The following MARCHF7 variants were observed in gnomAD, a reference collection of about 807,000 sequenced individuals.
MARCHF7 encodes the protein membrane associated ring-CH-type finger 7, also known as E3 ubiquitin-protein ligase MARCHF7.
A neutral mutation model predicts 76.5 loss-of-function variants in MARCHF7; 20 were observed. The ratio of observed to expected loss-of-function variants is 0.26; its 90% CI spans 0.18 to 0.38. MARCHF7 has a LOEUF of 0.38. Ranked by LOEUF, MARCHF7 falls within the 10% of genes least tolerant of loss-of-function variation. The pLI is 1.00. For missense variants in MARCHF7, 797 were observed against 812.9 expected, an observed-to-expected ratio of 0.98 and a Z score of 0.24; for synonymous variants, 295 against 293.0, an observed-to-expected ratio of 1.01 and a Z score of -0.07.
intron 4 of MARCHF7, among the ~76,000 whole-genome samples, chr2:159,739,592 A>G (rs148338242): frequency 1.4e-4 from 22 of 152,344 alleles, no homozygotes; most frequent in African/African-American, 5.3e-4. Flanking sequence ...AGTTCTGGAC[A>G]GCAGAAGAGA....
Position 159,769,043 on chromosome 2 carries a change from GATTATCATGTAAAT to G in MARCHF7, c.*1702_*1715del, listed in dbSNP as rs1364747025. The G allele has an allele frequency of 6.6e-6, 1 of 152,104 alleles. No individual in the cohort carries two copies. The highest frequency in any genetic ancestry group is 1.5e-5 in the Non-Finnish European group (1 of 68,000). 9.4% of individuals were successfully genotyped at this position (152,104 alleles called of 1,614,324 possible). A position where few individuals can be genotyped will look rare whatever the true frequency, so the allele number is the denominator to read the frequency against. On this transcript the variant is annotated 3_prime_UTR_variant, in exon 12 of 12. Transcript: ENST00000409175. ...TTTAAATATTGTCATATTAGCTTCA[GATTATCATGTAAAT>G]GACGGTAGAGGAATAAGAGAAAAGG...
intron 8 of MARCHF7, 39 bp from the exon 9 acceptor site, chr2:159,759,187 T>C (rs760206344): frequency 8.7e-7 from 1 of 1,144,240 alleles, no homozygotes; most frequent in Admixed American, 2.0e-5. Context: ...ATGAAGACAT[T>C]ATAAAACTAA....
intron 8 of MARCHF7, among the ~76,000 whole-genome samples, chr2:159,753,455 C>T (rs1411309910): frequency 2.0e-5 from 3 of 151,722 alleles, no homozygotes; most frequent in Non-Finnish European, 1.5e-5. Flanking sequence ...CCTGTAGTCC[C>T]AGCTAGAATG....
intron 3 of MARCHF7, among the ~76,000 whole-genome samples, chr2:159,716,643 CA>C (rs11367285): frequency 0.36 from 52,735 of 147,544 alleles, 9,360 homozygotes; most frequent in South Asian, 0.44. Context: ...ACCCTGTCTC[CA>C]AAAAAAAAAA....
At chr2:159,718,098 T>C (rs1701242209) in intron 3 of MARCHF7, among the ~76,000 whole-genome samples, 1 of 152,224 alleles carries the variant, frequency 6.6e-6, no homozygotes, top group Non-Finnish European at 1.5e-5. Context: ...CCTCACAATA[T>C]ACCTGTGAAG....
chr2:159,754,810 T>G (rs1042358884), intron 8 of MARCHF7, among the ~76,000 whole-genome samples: 1 of 152,266 alleles, frequency 6.6e-6, no homozygotes, highest in South Asian at 2.1e-4. Context: ...CCTGTGTTAA[T>G]TGCATCTGTT....
At chr2:159,721,815 A>G (rs938551347) in intron 3 of MARCHF7, among the ~76,000 whole-genome samples, 1 of 152,194 alleles carries the variant, frequency 6.6e-6, no homozygotes, top group Non-Finnish European at 1.5e-5. Flanking sequence ...CTCCACTTAT[A>G]AAACACAAAT....
At chr2:159,742,260 G>A (rs201505668) in intron 4 of MARCHF7, among the ~76,000 whole-genome samples, 2 of 147,336 alleles carry the variant, frequency 1.4e-5, no homozygotes, top group Admixed American at 1.3e-4. Flanking sequence ...TTTTTTTTTT[G>A]TTTTTTAGCA....
At chr2:159,721,290 A>G (rs1701613657) in intron 3 of MARCHF7, among the ~76,000 whole-genome samples, 2 of 152,182 alleles carry the variant, frequency 1.3e-5, no homozygotes, top group Non-Finnish European at 2.9e-5. Context: ...TAGGATGCCC[A>G]GAGGAATGGA....
At chr2:159,732,981 C>A (rs13022404) in intron 4 of MARCHF7, 316,379 of 949,356 alleles carry the variant, frequency 0.33, 54,612 homozygotes, top group South Asian at 0.45. Context: ...ACATGTGAAG[C>A]ACTTGGAACA....
chr2:159,724,787 C>G (rs1052883971), intron 3 of MARCHF7, among the ~76,000 whole-genome samples: 8 of 152,136 alleles, frequency 5.3e-5, no homozygotes, highest in Non-Finnish European at 1.0e-4. Context: ...CACCCATTAA[C>G]TCGTCATTTG....
At chr2:159,719,981 C>G (rs1389168247) in intron 3 of MARCHF7, among the ~76,000 whole-genome samples, 1 of 152,100 alleles carries the variant, frequency 6.6e-6, no homozygotes, top group Non-Finnish European at 1.5e-5. Flanking sequence ...ACTGCCGCTG[C>G]CTAGTGCTTA....
Position 159,748,434 on chromosome 2 carries a change from A to G in MARCHF7, c.1144A>G (p.Thr382Ala), listed in dbSNP as rs977815596. Residue 382 changes from threonine to alanine, a missense_variant, in exon 7 of 12, where the codon ACA (threonine) becomes GCA (alanine). Physicochemically the swap from Thr to Ala is moderately conservative, Grantham distance 58. Transcript: ENST00000409175. ...TAACCAAGAATCTGAAGGTAGAAAT[A>G]CAGGACCATGGTTATCTTCCTCACT... is the stretch of plus-strand genomic sequence containing the variant. The part of the protein sequence containing the change: ...NFNQESEGRN[T>A]GPWLSSSLRN... The G allele has an allele frequency of 1.9e-6, 3 of 1,614,196 alleles. No individual in the cohort carries two copies. Among genetic ancestry groups the G allele is most frequent in the Admixed American group, 3.3e-5 (2 of 60,026 alleles).
intron 1 of MARCHF7, 54 bp downstream of exon 1, chr2:159,712,660 G>A (rs374530865): frequency 6.6e-6 from 1 of 152,512 alleles, no homozygotes; most frequent in South Asian, 2.1e-4. Context: ...TCAGGAGCCG[G>A]GGTAATGAGC....
intron 11 of MARCHF7, 78 bp from the exon 12 acceptor site, chr2:159,767,206 T>C: frequency 1.0e-6 from 1 of 988,356 alleles, no homozygotes; most frequent in Non-Finnish European, 1.6e-6. Flanking sequence ...AAGTCATTGC[T>C]GTTCTGGCTT....
At position 159,741,798 on chromosome 2, in the gene MARCHF7, T is replaced by G. The variant is rs539493990; in HGVS notation, c.154-1263T>G. ...ACTCATGGTAACATGCTTTAAAAAA[T>G]TATTTTTCTTTTATATCCTGAAAAA... is the stretch of plus-strand genomic sequence containing the variant. On this transcript the variant is annotated intron_variant, in intron 4 of 11. Coordinates refer to ENST00000409175, the MANE Select transcript of MARCHF7 (RefSeq NM_001282805.2). Among the ~76,000 whole-genome samples, 3 of 152,368 alleles carry G rather than the reference T, an allele frequency of 2.0e-5. No individual in the cohort carries two copies. The East Asian group carries it at 5.8e-4, about 29-fold the overall frequency.
At chr2:159,714,873 A>G (rs1022758006) in intron 2 of MARCHF7, among the ~76,000 whole-genome samples, 2 of 152,196 alleles carry the variant, frequency 1.3e-5, no homozygotes, top group African/African-American at 2.4e-5. Context: ...GAGGTATGAT[A>G]GAGCTCCACT....
intron 3 of MARCHF7, among the ~76,000 whole-genome samples, chr2:159,721,676 A>G (rs1157104543): frequency 6.6e-6 from 1 of 152,206 alleles, no homozygotes; most frequent in African/African-American, 2.4e-5. Context: ...GAGAATAGAA[A>G]GTGTAGCCTC....
At chr2:159,743,974 CTTTTTTTTTTT>C (rs1170864400) in intron 5 of MARCHF7, among the ~76,000 whole-genome samples, 3 of 60,618 alleles carry the variant, frequency 4.9e-5, no homozygotes, top group Middle Eastern at 0.013. Context: ...AGTAGGAGTT[CTTTTTTTTTTT>C]TTTTTTTTTT....
Sources: gnomAD v4.1 joint callset for allele counts (sites outside exome capture counted in the v4.1 genomes callset) on GRCh38, gnomAD v4.1.1 for gene constraint, MANE v1.5 for transcripts, NCBI Gene and HGNC (gene_info 2026-07-23, HGNC 2026-07-21) for gene names.